The following TPTE variants were observed in gnomAD, a reference collection of about 807,000 sequenced individuals.
The protein encoded by TPTE is transmembrane phosphatase with tensin homology, also known as putative tyrosine-protein phosphatase TPTE.
Under a neutral mutation model 84.1 loss-of-function variants are expected in TPTE, and 59 were observed. The observed-to-expected ratio is 0.70, with a 90% confidence interval of 0.57 to 0.87. The LOEUF is 0.87. Among genes scored for constraint, TPTE ranks in the 40% least tolerant of loss-of-function variants. The probability of loss-of-function intolerance (pLI) is 0.00; values close to 1 mark genes in which losing one functional copy is unlikely to be tolerated. For synonymous variants in TPTE, 130 were observed against 223.5 expected, an observed-to-expected ratio of 0.58 and a Z score of 3.73; for missense variants, 382 against 659.6, an observed-to-expected ratio of 0.58 and a Z score of 4.61.
chr21:10,601,802 G>A (rs149323327), intron 21 of TPTE, among the ~76,000 whole-genome samples: 1,552 of 149,784 alleles, frequency 0.01, no homozygotes, highest in Non-Finnish European at 0.018. Flanking sequence ...GCAGTGAGCC[G>A]AGATCATGCC....
chr21:10,550,035 C>A (rs191010265), intron 7 of TPTE, among the ~76,000 whole-genome samples: 1 of 152,302 alleles, frequency 6.6e-6, no homozygotes, highest in Non-Finnish European at 1.5e-5. Context: ...AGAAAAAAAT[C>A]TTTCAGCCAA....
At chr21:10,601,200 G>A (rs1377402874) in intron 21 of TPTE, among the ~76,000 whole-genome samples, 14 of 152,340 alleles carry the variant, frequency 9.2e-5, no homozygotes, top group East Asian at 1.9e-4. Flanking sequence ...TTAAAAGTGC[G>A]GCACTTTTGA....
chr21:10,573,067 A>T (rs2075078441), intron 14 of TPTE, among the ~76,000 whole-genome samples: 1 of 152,290 alleles, frequency 6.6e-6, no homozygotes, highest in African/African-American at 2.4e-5. Context: ...TTTAAAAAAA[A>T]AAAAAAGACC....
chr21:10,568,485 A>T (rs531961533), intron 11 of TPTE, among the ~76,000 whole-genome samples: 1 of 152,412 alleles, frequency 6.6e-6, no homozygotes, highest in African/African-American at 2.4e-5. Context: ...TACTGTGACA[A>T]GGAGGAAAAT....
At chr21:10,570,419 TA>T (rs1180019502) in intron 13 of TPTE, 65 bp from the exon 14 acceptor site, 873 of 1,608,278 alleles carry the variant, frequency 5.4e-4, no homozygotes, top group African/African-American at 1.1e-3. Flanking sequence ...ATGTATAAAT[TA>T]ATTTTTTTGT....
chr21:10,535,009 A>G (rs2074242949), intron 3 of TPTE, among the ~76,000 whole-genome samples: 1 of 152,306 alleles, frequency 6.6e-6, no homozygotes, highest in Admixed American at 6.5e-5. Context: ...AGAAATCTGA[A>G]ATTGAGGTTG....
chr21:10,553,763 T>C (rs1184131323), intron 8 of TPTE, among the ~76,000 whole-genome samples: 1 of 152,310 alleles, frequency 6.6e-6, no homozygotes, highest in Non-Finnish European at 1.5e-5. Flanking sequence ...TGGCATCATA[T>C]ATTCATTCAC....
intron 15 of TPTE, 84 bp from the exon 16 acceptor site, chr21:10,578,253 A>T: frequency 6.3e-7 from 1 of 1,576,016 alleles, no homozygotes; most frequent in Non-Finnish European, 8.7e-7. Flanking sequence ...AGGAATTCTA[A>T]TAAGATATGT....
At chr21:10,539,533 G>C (rs1196065138) in intron 4 of TPTE, among the ~76,000 whole-genome samples, 2 of 152,304 alleles carry the variant, frequency 1.3e-5, no homozygotes, top group African/African-American at 4.8e-5. Flanking sequence ...CCCACAAAAG[G>C]CTGTCTGTCG....
At position 10,543,309 on chromosome 21, in the gene TPTE, A is replaced by G. The variant is rs761057493; in HGVS notation, c.120-20A>G. 1.9e-6 allele frequency: 3 copies of G among 1,613,188 alleles called. No homozygotes were observed. In the East Asian group the frequency reaches 6.7e-5, roughly 36 times the overall value. On this transcript the variant is annotated intron_variant, in intron 6 of 23. Transcript: ENST00000618007. ...GGCCTCCCAAAGTGCTGCTGACTGTATTCTTTTATCATCCTCTAGCCCACA... is the reference window on the plus strand; with the variant it reads ...GGCCTCCCAAAGTGCTGCTGACTGTGTTCTTTTATCATCCTCTAGCCCACA...
intron 17 of TPTE, among the ~76,000 whole-genome samples, chr21:10,590,218 C>T (rs868604149): frequency 1.4e-3 from 218 of 152,134 alleles, no homozygotes; most frequent in Non-Finnish European, 2.5e-3. Flanking sequence ...AAAACCTCAT[C>T]GTGTCCTTTT....
intron 14 of TPTE, among the ~76,000 whole-genome samples, chr21:10,572,450 C>CAAAAAAAA (rs58796102): frequency 2.3e-5 from 3 of 131,986 alleles, no homozygotes; most frequent in Admixed American, 7.2e-5. Context: ...AGACTGTATC[C>CAAAAAAAA]AAAAAAAAAA....
intron 4 of TPTE, among the ~76,000 whole-genome samples, chr21:10,540,138 T>G (rs1156534649): frequency 1.3e-5 from 2 of 152,310 alleles, no homozygotes; most frequent in East Asian, 1.9e-4. Flanking sequence ...TTAACTTCTT[T>G]GGCACGGCCC....
intron 8 of TPTE, among the ~76,000 whole-genome samples, chr21:10,557,230 C>T (rs1187835303): frequency 1.3e-5 from 2 of 152,310 alleles, no homozygotes; most frequent in Non-Finnish European, 2.9e-5. Flanking sequence ...CTGTTGCTCC[C>T]GAGTGTGAAC....
At chr21:10,532,646 T>C (rs1187534283) in intron 3 of TPTE, among the ~76,000 whole-genome samples, 1 of 152,306 alleles carries the variant, frequency 6.6e-6, no homozygotes, top group Non-Finnish European at 1.5e-5. Context: ...TAAATTTTCT[T>C]CTAAATATTG....
At chr21:10,563,192 C>G (rs1373678181) in intron 10 of TPTE, among the ~76,000 whole-genome samples, 1 of 152,304 alleles carries the variant, frequency 6.6e-6, no homozygotes, top group African/African-American at 2.4e-5. Context: ...GAAATAAAGA[C>G]TTTTCCACAC....
intron 2 of TPTE, among the ~76,000 whole-genome samples, chr21:10,527,133 C>CCTCTCTCT (rs59412977): frequency 2.2e-4 from 33 of 148,594 alleles, no homozygotes; most frequent in Admixed American, 4.0e-4. Flanking sequence ...TTCTGTGTCC[C>CCTCTCTCT]CTCTCTCTCT....
At chr21:10,521,887 G>C (rs1306860502) in intron 1 of TPTE, among the ~76,000 whole-genome samples, 193 bp downstream of exon 1, 1 of 152,272 alleles carries the variant, frequency 6.6e-6, no homozygotes, top group Non-Finnish European at 1.5e-5. Flanking sequence ...ACAAAAGGCC[G>C]AGAAAAACTC....
Position 10,598,241 on chromosome 21 carries a change from G to A in TPTE, c.1356+147G>A. 3.9e-6 allele frequency: 5 copies of A among 1,286,544 alleles called. No individual in the cohort carries two copies. The South Asian group carries it at 5.4e-5, about 14-fold the overall frequency. The allele number at this position is 1,286,544 out of a possible 1,614,324, so 79.7% of individuals were successfully genotyped here. ...TTACCATCCAACTTGGTGTCATTGG[G>A]TTTGGATGCAAACCAGAGATAAATT... On this transcript the variant is annotated intron_variant, in intron 21 of 23. Coordinates refer to ENST00000618007, the MANE Select transcript of TPTE (RefSeq NM_199261.4).
Sources: gnomAD v4.1 joint callset for allele counts (sites outside exome capture counted in the v4.1 genomes callset) on GRCh38, gnomAD v4.1.1 for gene constraint, MANE v1.5 for transcripts, NCBI Gene and HGNC (gene_info 2026-07-23, HGNC 2026-07-21) for gene names.